GFI1B: variants seen among roughly 807,000 people sequenced by gnomAD.
GFI1B encodes the protein growth factor independent 1B transcriptional repressor, also known as zinc finger protein Gfi-1b.
In GFI1B, 20 loss-of-function variants were observed where a neutral mutation model predicts 35.3. The observed-to-expected ratio is 0.57, with a 90% CI of 0.40 to 0.82. The LOEUF (loss-of-function observed/expected upper bound fraction) is 0.82. Among genes scored for constraint, GFI1B ranks in the 40% least tolerant of loss-of-function variants. The pLI, the probability that GFI1B is intolerant of heterozygous loss-of-function variation, is 0.00. For synonymous variants in GFI1B, 178 were observed against 177.6 expected (o/e 1.00, Z -0.02); for missense variants, 430 against 446.3 (o/e 0.96, Z 0.33).
At chr9:132,990,791 C>G in intron 6 of GFI1B, 81 bp from the exon 7 acceptor site, 1 of 1,308,612 alleles carries the variant, frequency 7.6e-7, no homozygotes, top group Non-Finnish European at 1.1e-6. Context: ...AAAATGAACC[C>G]GGGGGCAGGG....
At chr9:132,969,428 C>T (rs533602146) in intron 1 of GFI1B, among the ~76,000 whole-genome samples, 34 of 152,300 alleles carry the variant, frequency 2.2e-4, no homozygotes, top group South Asian at 1.5e-3. Context: ...ATAACGTCCT[C>T]GGGGTTCATC....
intron 1 of GFI1B, among the ~76,000 whole-genome samples, chr9:132,967,462 C>T (rs1848466116): frequency 6.6e-6 from 1 of 152,108 alleles, no homozygotes; most frequent in Non-Finnish European, 1.5e-5. Context: ...GGTGCTCTTC[C>T]ATCATAAAGG....
At chr9:132,984,343 G>T (rs921633034) in intron 1 of GFI1B, among the ~76,000 whole-genome samples, 2 of 152,172 alleles carry the variant, frequency 1.3e-5, no homozygotes, top group Non-Finnish European at 2.9e-5. Flanking sequence ...GAGGGAGGGG[G>T]AGGAGGCAAG....
At chr9:132,967,350 C>T (rs1173004187) in intron 1 of GFI1B, among the ~76,000 whole-genome samples, 1 of 152,104 alleles carries the variant, frequency 6.6e-6, no homozygotes, top group Non-Finnish European at 1.5e-5. Context: ...TTAAATGGCA[C>T]CATGACAAAA....
intron 1 of GFI1B, among the ~76,000 whole-genome samples, chr9:132,950,166 A>G (rs1470142751): frequency 1.3e-5 from 2 of 152,184 alleles, no homozygotes; most frequent in African/African-American, 2.4e-5. Flanking sequence ...GAGCTAGAAG[A>G]TGTTCGCTTC....
At chr9:132,961,644 T>C (rs1848366062) in intron 1 of GFI1B, among the ~76,000 whole-genome samples, 2 of 148,402 alleles carry the variant, frequency 1.3e-5, no homozygotes, top group South Asian at 4.3e-4. Flanking sequence ...CAGGCTGGAG[T>C]GCAGTGGTGC....
At chr9:132,962,676 A>G (rs1333103029) in intron 1 of GFI1B, 1 of 476,486 alleles carries the variant, frequency 2.1e-6, no homozygotes, top group Non-Finnish European at 4.1e-6. Flanking sequence ...AAGGAATTAC[A>G]CATGAGATGA....
chr9:132,983,190 CTTTTTTTTT>C (rs66711864), intron 1 of GFI1B, among the ~76,000 whole-genome samples: 2 of 98,620 alleles, frequency 2.0e-5, no homozygotes, highest in East Asian at 3.2e-4. Flanking sequence ...TTTCTCCCTC[CTTTTTTTTT>C]TTTTTTTTTT....
chr9:132,991,341 T>G lies in GFI1B; in HGVS notation c.*291T>G. 1 of 460,558 alleles carries G rather than the reference T, an allele frequency of 2.2e-6. No homozygotes were observed. 28.5% of individuals were successfully genotyped at this position (460,558 alleles called of 1,614,324 possible). On this transcript the variant is annotated 3_prime_UTR_variant, in exon 7 of 7. Coordinates refer to ENST00000372122, the MANE Select transcript of GFI1B (RefSeq NM_001377304.1). ...TCTAGCAGAGCACAGAAAGCTAGAA[T>G]ACCCCCAGGGAGACAGGGATGCCAA...
At position 132,989,789 on chromosome 9, in the gene GFI1B, G is replaced by C; in HGVS notation, c.696G>C (p.Ser232=). The C allele has an allele frequency of 6.2e-7, 1 of 1,613,986 alleles. No homozygotes were observed. Residue 232 remains serine, a synonymous_variant, in exon 6 of 7, where the codon TCG becomes TCC. Transcript: ENST00000372122. This position sits in a 1 kb window ranked among gnomAD's most constrained non-coding sequence, Gnocchi z 6.2. ...TGTGCGGCAAGGCCTTCAAGCGCTC[G>C]TCCACGCTGTCCACCCACCTGCTCA... ...CRMCGKAFKR[S]STLSTHLLIH...
upstream of GFI1B, chr9:132,976,469 A>G (rs1396433827): frequency 6.6e-6 from 1 of 152,212 alleles, no homozygotes; most frequent in African/African-American, 2.4e-5. Context: ...AGAATACTCA[A>G]GATGTGTCCC....
At chr9:132,958,881 T>C (rs1848322714) in intron 1 of GFI1B, among the ~76,000 whole-genome samples, 1 of 152,146 alleles carries the variant, frequency 6.6e-6, no homozygotes, top group Admixed American at 6.5e-5. Flanking sequence ...AGTGTTGGCA[T>C]TCAGAAGGTA....
chr9:132,977,890 C>T (rs1238593133), upstream of GFI1B, among the ~76,000 whole-genome samples: 1 of 152,182 alleles, frequency 6.6e-6, no homozygotes, highest in Admixed American at 6.5e-5. Flanking sequence ...TTCAGCAGGC[C>T]GAGCGTCTCC....
At position 132,962,107 on chromosome 9, in the gene GFI1B, CAT is replaced by C. The variant is rs531409308; in HGVS notation, c.-700-10617_-700-10616del. ...ACACACACACAACCCTACACTCACACATGTGTGCATACAGAATTGTTTTTTTT... is the reference window on the plus strand; with the variant it reads ...ACACACACACAACCCTACACTCACACGTGTGCATACAGAATTGTTTTTTTT... On this transcript the variant is annotated intron_variant, in intron 1 of 10. Coordinates refer to the GFI1B transcript ENST00000339463. Among the ~76,000 whole-genome samples the C allele has an allele frequency of 4.1e-3, 617 of 151,026 alleles. 3 individuals carry two copies. Among genetic ancestry groups the C allele is most frequent in the African/African-American group, 0.014 (576 of 41,090 alleles).
chr9:132,988,927 A>T (rs2132646646), intron 4 of GFI1B, 134 bp from the exon 5 acceptor site: 2 of 822,130 alleles, frequency 2.4e-6, no homozygotes, highest in Middle Eastern at 2.7e-4. Context: ...CAAGCAGCAG[A>T]ACTGGCAATC....
At chr9:132,974,358 G>A (rs1469933015), upstream of GFI1B, among the ~76,000 whole-genome samples, 2 of 152,120 alleles carry the variant, frequency 1.3e-5, no homozygotes, top group African/African-American at 2.4e-5. Context: ...AGCACTTTGG[G>A]AGGCCGAGGC....
chr9:132,961,591 A>AT (rs1171494542), intron 1 of GFI1B, among the ~76,000 whole-genome samples: 15,027 of 135,184 alleles, frequency 0.11, 1,026 homozygotes, highest in African/African-American at 0.18. Context: ...AATACCTCTC[A>AT]TTTTTTTTTT....
chr9:132,982,471 G>T (rs1008764471), intron 1 of GFI1B, among the ~76,000 whole-genome samples: 1 of 152,226 alleles, frequency 6.6e-6, no homozygotes, highest in African/African-American at 2.4e-5. Context: ...CACTGACTGA[G>T]ATTCTGACTC....
intron 1 of GFI1B, chr9:132,951,563 C>T (rs7040593): frequency 0.075 from 11,449 of 152,228 alleles, 469 homozygotes; most frequent in Non-Finnish European, 0.096. Context: ...CAAATTCACT[C>T]CTTTTTCTTT....
Sources: gnomAD v4.1 joint callset for allele counts (sites outside exome capture counted in the v4.1 genomes callset) on GRCh38, gnomAD v4.1.1 for gene constraint, Gnocchi (gnomAD v3.1) non-coding constraint, MANE v1.5 for transcripts, NCBI Gene and HGNC (gene_info 2026-07-23, HGNC 2026-07-21) for gene names.